Variants in MTUS1 observed in about 807,000 individuals in gnomAD.
MTUS1 encodes microtubule associated scaffold protein 1, also known as microtubule-associated tumor suppressor 1.
In MTUS1, 109 loss-of-function variants were observed where a neutral mutation model predicts 120.8. That is an observed-to-expected ratio of 0.90 (90% CI 0.77 to 1.06). The LOEUF (loss-of-function observed/expected upper bound fraction) is 1.06, where lower values mean the gene tolerates loss of function less well. MTUS1 is among the 50% of genes least tolerant of loss of function. The probability of loss-of-function intolerance (pLI) is 0.00; values close to 1 mark genes in which losing one functional copy is unlikely to be tolerated. For synonymous variants in MTUS1, 737 were observed against 550.5 expected (o/e 1.34, Z -4.74); for missense variants, 2,210 against 1,486.3 (o/e 1.49, Z -8.01).
chr8:17,762,028 C>T (rs2049079405), intron 1 of MTUS1, among the ~76,000 whole-genome samples: 1 of 152,170 alleles, frequency 6.6e-6, no homozygotes, highest in Non-Finnish European at 1.5e-5. Flanking sequence ...GCCTATAATA[C>T]CAAGACTTTG....
At chr8:17,787,082 G>C (rs1269634655) in intron 1 of MTUS1, among the ~76,000 whole-genome samples, 1 of 152,226 alleles carries the variant, frequency 6.6e-6, no homozygotes, top group Non-Finnish European at 1.5e-5. Flanking sequence ...GTGAGAGAAA[G>C]CGCTGTGTAA....
chr8:17,769,907 CACACACACACACACACACA>C (rs2049891748), intron 1 of MTUS1, among the ~76,000 whole-genome samples: 4 of 124,502 alleles, frequency 3.2e-5, no homozygotes, highest in African/African-American at 1.1e-4. Context: ...CACACACACA[CACACACACACACACACACA>C]CGGGGGGGGT....
Position 17,665,205 on chromosome 8 carries a change from TTCCAAATTATC to T in MTUS1, c.2906-9151_2906-9141del, listed in dbSNP as rs1395821103. On this transcript the variant is annotated intron_variant, in intron 8 of 14. Transcript: ENST00000693296. ...GGTAGACCAGGTTCTTTTTCTACAT[TTCCAAATTATC>T]TCCAAATGCCTTTCTGATTACTCCT... Among the ~76,000 whole-genome samples the T allele has an allele frequency of 7.9e-5, 12 of 152,332 alleles. No homozygotes were observed. The South Asian group carries it at 1.4e-3, about 18-fold the overall frequency.
chr8:17,756,457 C>A (rs1472703768), intron 1 of MTUS1, among the ~76,000 whole-genome samples: 1 of 152,044 alleles, frequency 6.6e-6, no homozygotes, highest in African/African-American at 2.4e-5. Context: ...GAAAGCCCAG[C>A]AAATCAGCTG....
chr8:17,789,732 G>A (rs1443070891), intron 1 of MTUS1, among the ~76,000 whole-genome samples: 1 of 152,146 alleles, frequency 6.6e-6, no homozygotes, highest in Non-Finnish European at 1.5e-5. Flanking sequence ...TTTAACAGAA[G>A]GTGACTGTAT....
At chr8:17,697,110 C>CCTT in intron 6 of MTUS1, 1 of 1,047,520 alleles carries the variant, frequency 9.5e-7, no homozygotes, top group Admixed American at 3.0e-5. Flanking sequence ...CAACAGAAAA[C>CCTT]AATTTTTAAA....
At chr8:17,765,678 C>CCA (rs60406848) in intron 1 of MTUS1, among the ~76,000 whole-genome samples, 11,960 of 130,018 alleles carry the variant, frequency 0.092, 528 homozygotes, top group Non-Finnish European at 0.1. Flanking sequence ...AATACAGACA[C>CCA]CACACACACA....
intron 8 of MTUS1, among the ~76,000 whole-genome samples, chr8:17,670,986 G>C (rs1458418067): frequency 2.0e-5 from 3 of 152,160 alleles, no homozygotes; most frequent in South Asian, 2.1e-4. Context: ...TGCTTCTAGG[G>C]GGAGGGGTGT....
In MTUS1 at chr8:17,655,777, G is replaced by A. The variant is rs551807384; in HGVS notation, c.3108+86C>T. 13 of 1,155,754 alleles carry A rather than the reference G, an allele frequency of 1.1e-5. No individual in the cohort carries two copies. In the African/African-American group the frequency reaches 1.7e-4, roughly 15 times the overall value. The allele number at this position is 1,155,754 out of a possible 1,614,324, so 71.6% of individuals were successfully genotyped here. Reference sequence around the variant, plus strand: ...TTTTTATACCTATTAGACTAAAAAAGAGAAGCTCATCAAGATGTGAAGAGC... The same window carrying A: ...TTTTTATACCTATTAGACTAAAAAAAAGAAGCTCATCAAGATGTGAAGAGC... On this transcript the variant is annotated intron_variant, in intron 9 of 14. Transcript: ENST00000693296.
intron 8 of MTUS1, among the ~76,000 whole-genome samples, chr8:17,664,787 G>A (rs1810535786): frequency 6.6e-6 from 1 of 152,152 alleles, no homozygotes; most frequent in Admixed American, 6.5e-5. Context: ...AAGCGACTAT[G>A]TAGGTGACCC....
At chr8:17,735,543 C>T (rs774076714) in intron 3 of MTUS1, among the ~76,000 whole-genome samples, 2 of 152,212 alleles carry the variant, frequency 1.3e-5, no homozygotes, top group African/African-American at 2.4e-5. Context: ...CTGGCCTTGA[C>T]GTTCCCCAAG....
chr8:17,761,191 CTAGTACAAGCTTTGAGG>C (rs1044243168), intron 1 of MTUS1, among the ~76,000 whole-genome samples: 5 of 152,046 alleles, frequency 3.3e-5, no homozygotes, highest in African/African-American at 1.2e-4. Context: ...CAAAGAACTA[CTAGTACAAGCTTTGAGG>C]TATAATTCCA....
intron 2 of MTUS1, among the ~76,000 whole-genome samples, chr8:17,750,271 A>C (rs563516674): frequency 6.6e-6 from 1 of 152,232 alleles, no homozygotes; most frequent in Non-Finnish European, 1.5e-5. Context: ...GGCCAAGAAA[A>C]GCAAGTGACT....
chr8:17,726,734 G>A lies in MTUS1; in HGVS notation c.2288-2901C>T, dbSNP rs529793021. The stretch of plus-strand genomic sequence containing the variant: ...TTAGCCACCAGTTTTACTTGCTTTA[G>A]GAAGAACAGGAAAACAGATTTTTAG... On this transcript the variant is annotated intron_variant, in intron 3 of 14. Coordinates refer to ENST00000693296, the MANE Select transcript of MTUS1 (RefSeq NM_001363059.2). Among the ~76,000 whole-genome samples the A allele has an allele frequency of 7.2e-5, 11 of 152,176 alleles. No individual in the cohort carries two copies. In the South Asian group the frequency reaches 2.3e-3, roughly 32 times the overall value.
chr8:17,719,488 A>G (rs866230156), intron 4 of MTUS1, among the ~76,000 whole-genome samples: 5 of 152,380 alleles, frequency 3.3e-5, no homozygotes, highest in African/African-American at 1.2e-4. Flanking sequence ...AGAAAGAACG[A>G]GAACAAAGTT....
intron 3 of MTUS1, among the ~76,000 whole-genome samples, chr8:17,729,835 T>C (rs889062828): frequency 2.6e-5 from 4 of 151,822 alleles, no homozygotes; most frequent in Admixed American, 1.3e-4. Context: ...ATTTAAAAAC[T>C]GGACAAAGGA....
At chr8:17,756,670 A>ACCCCCCCCCC (rs1193355141) in intron 1 of MTUS1, among the ~76,000 whole-genome samples, 3 of 46,262 alleles carry the variant, frequency 6.5e-5, no homozygotes, top group Non-Finnish European at 1.0e-4. Context: ...GTCAAGCCCA[A>ACCCCCCCCCC]ACCCCCACCC....
chr8:17,661,338 G>GT (rs1332441337), intron 8 of MTUS1, among the ~76,000 whole-genome samples: 3 of 152,074 alleles, frequency 2.0e-5, no homozygotes, highest in African/African-American at 7.2e-5. Flanking sequence ...TATTTCCAAA[G>GT]TTAAAAAATA....
At chr8:17,679,523 A>T (rs2130710684) in intron 7 of MTUS1, among the ~76,000 whole-genome samples, 1 of 148,308 alleles carries the variant, frequency 6.7e-6, no homozygotes. Flanking sequence ...TTATTTTTTG[A>T]GACAGGGTCT....
Sources: allele counts gnomAD v4.1 joint callset (sites outside exome capture counted in the v4.1 genomes callset), GRCh38; gene constraint gnomAD v4.1.1; transcripts MANE v1.5; gene names NCBI Gene and HGNC (gene_info 2026-07-23, HGNC 2026-07-21).